TRIM9: variants seen among roughly 807,000 people sequenced by gnomAD.
The protein encoded by TRIM9 is E3 ubiquitin-protein ligase TRIM9.
In TRIM9, 26 loss-of-function variants were observed where a neutral mutation model predicts 78.3. The observed-to-expected ratio is 0.33, with a 90% CI of 0.24 to 0.46. The LOEUF is 0.46. Ranked by LOEUF, TRIM9 falls within the 20% of genes least tolerant of loss-of-function variation. The pLI is 1.00. For missense variants in TRIM9, 787 were observed against 1,036.4 expected, an observed-to-expected ratio of 0.76 and a Z score of 3.30; for synonymous variants, 398 against 416.5, an observed-to-expected ratio of 0.96 and a Z score of 0.54.
chr14:51,094,072 TG>T, intron 1 of TRIM9, 45 bp downstream of exon 1: 1 of 1,558,326 alleles, frequency 6.4e-7, no homozygotes, highest in Non-Finnish European at 8.7e-7. Context: ...CAAAACCGGA[TG>T]ATCGGAGACG....
Position 51,094,791 on chromosome 14 carries a change from T to A in TRIM9, c.149A>T (p.His50Leu), listed in dbSNP as rs751800047. The A allele has an allele frequency of 5.2e-6, 8 of 1,531,104 alleles. No individual in the cohort carries two copies. The South Asian group carries it at 9.1e-5, about 17-fold the overall frequency. The allele number at this position is 1,531,104 out of a possible 1,614,324, so 94.8% of individuals were successfully genotyped here. ...QTPESESPQS[H>L]RAAGSGVSDY... ...GGAGACCCCGGAGCCCGCGGCCCGA[T>A]GGCTCTGGGGGGATTCAGACTCTGG... Residue 50 changes from histidine to leucine, a missense_variant, in exon 1 of 13, where the codon CAT becomes CTT. This residue lies in a region of TRIM9 where 352 missense variants were observed against 472.3 expected (regional missense o/e 0.75). Coordinates refer to ENST00000684578, the MANE Select transcript of TRIM9 (RefSeq NM_001387360.1).
chr14:51,057,518 G>T (rs1333446454), intron 1 of TRIM9, among the ~76,000 whole-genome samples: 4 of 152,050 alleles, frequency 2.6e-5, no homozygotes, highest in Non-Finnish European at 4.4e-5. Flanking sequence ...TAAAATAAAA[G>T]ATACTAAATT....
At chr14:51,056,845 C>T (rs73288900) in intron 1 of TRIM9, among the ~76,000 whole-genome samples, 126 of 152,278 alleles carry the variant, frequency 8.3e-4, no homozygotes, top group African/African-American at 2.6e-3. Context: ...GGAACCTTTC[C>T]CTTATCTTCC....
At chr14:51,026,713 C>T (rs2139816228) in intron 1 of TRIM9, among the ~76,000 whole-genome samples, 1 of 152,076 alleles carries the variant, frequency 6.6e-6, no homozygotes, top group Middle Eastern at 3.4e-3. Flanking sequence ...ATATGCACAC[C>T]AAATGCTTGG....
At chr14:51,000,990 C>T in intron 5 of TRIM9, 150 bp from the exon 6 acceptor site, 2 of 911,566 alleles carry the variant, frequency 2.2e-6, no homozygotes, top group East Asian at 2.6e-5. Context: ...CACAGAGTCC[C>T]CAGGAGTCAG....
intron 3 of TRIM9, among the ~76,000 whole-genome samples, chr14:51,012,840 G>A (rs549324419): frequency 2.0e-5 from 3 of 152,168 alleles, no homozygotes; most frequent in Non-Finnish European, 2.9e-5. Flanking sequence ...TACGTTTATC[G>A]GCTGTTTGTG....
intron 3 of TRIM9, among the ~76,000 whole-genome samples, chr14:51,021,814 C>A (rs2057786074): frequency 6.6e-6 from 1 of 152,168 alleles, no homozygotes; most frequent in African/African-American, 2.4e-5. Context: ...GATGGAATAT[C>A]AGATGTCTCC....
chr14:51,083,393 T>A (rs1391393209), intron 1 of TRIM9, among the ~76,000 whole-genome samples: 1 of 151,944 alleles, frequency 6.6e-6, no homozygotes, highest in African/African-American at 2.4e-5. Context: ...TAGCTCGGAC[T>A]ACAGGCATGC....
intron 1 of TRIM9, among the ~76,000 whole-genome samples, chr14:51,081,236 CA>C (rs1448558441): frequency 1.3e-5 from 2 of 152,116 alleles, no homozygotes; most frequent in Non-Finnish European, 2.9e-5. Flanking sequence ...AGCCAATAAG[CA>C]CATGAAAAGA....
At chr14:50,982,740 A>T (rs148125458) in intron 10 of TRIM9, 1 of 519,222 alleles carries the variant, frequency 1.9e-6, no homozygotes, top group East Asian at 2.9e-5. Flanking sequence ...ACACGTCAGA[A>T]ATTTTGCTGG....
chr14:51,065,353 G>C (rs2061650884), intron 1 of TRIM9, among the ~76,000 whole-genome samples: 1 of 152,208 alleles, frequency 6.6e-6, no homozygotes, highest in Admixed American at 6.5e-5. Flanking sequence ...GCTCTTTAGA[G>C]AGAAGGCTTT....
intron 1 of TRIM9, among the ~76,000 whole-genome samples, chr14:51,054,853 G>A (rs1374580263): frequency 3.9e-5 from 5 of 129,824 alleles, no homozygotes; most frequent in Middle Eastern, 7.5e-3. Flanking sequence ...TTTTTGAGAC[G>A]GAGTCTGGCT....
At chr14:51,033,177 C>T (rs958298748) in intron 1 of TRIM9, among the ~76,000 whole-genome samples, 3 of 152,210 alleles carry the variant, frequency 2.0e-5, no homozygotes, top group African/African-American at 7.2e-5. Context: ...GCAACCTCCA[C>T]CTCCCGGGTT....
rs989804499 is a variant in TRIM9, at chr14:51,041,545, AACTGCCT to A, written c.823-16192_823-16186del. Among the ~76,000 whole-genome samples, 7 of 152,242 alleles carry A rather than the reference AACTGCCT, an allele frequency of 4.6e-5. No homozygotes were observed. In the East Asian group the frequency reaches 7.7e-4, roughly 17 times the overall value. ...TAGCAAATGACAAGGATTAACCCCCAACTGCCTTTCGCCTGATTTCCAGCAACATTAG... is the reference window on the plus strand; with the variant it reads ...TAGCAAATGACAAGGATTAACCCCCATTCGCCTGATTTCCAGCAACATTAG... On this transcript the variant is annotated intron_variant, in intron 1 of 12. Transcript: ENST00000684578.
intron 1 of TRIM9, among the ~76,000 whole-genome samples, chr14:51,028,753 T>C (rs2058470614): frequency 6.6e-6 from 1 of 152,132 alleles, no homozygotes; most frequent in Admixed American, 6.5e-5. Context: ...AGGAGAAAAA[T>C]GATGCAGCTG....
At chr14:50,996,394 T>C in intron 7 of TRIM9, 1 of 985,388 alleles carries the variant, frequency 1.0e-6, no homozygotes, top group Non-Finnish European at 1.2e-6. Flanking sequence ...AGGCGCTACA[T>C]CCTCCTGCAG....
At chr14:51,078,304 A>G (rs933128042) in intron 1 of TRIM9, among the ~76,000 whole-genome samples, 3 of 152,228 alleles carry the variant, frequency 2.0e-5, no homozygotes, top group Non-Finnish European at 4.4e-5. Context: ...ATATGAACAA[A>G]TACTAAATGA....
rs746028500 is a variant in TRIM9, at chr14:51,094,318, G to A, written c.622C>T (p.Arg208Cys). Reference protein sequence around the residue: ...HPPRGPLAKHRLVPPAQGRVS... With the variant: ...HPPRGPLAKHCLVPPAQGRVS... ...CGACCCTGGGCCGGGGGCACCAGGC[G>A]GTGCTTGGCTAGGGGCCCCCGGGGC... is the stretch of plus-strand genomic sequence containing the variant. Residue 208 changes from arginine to cysteine, a missense_variant, in exon 1 of 13, where the codon CGC becomes TGC. Coordinates refer to ENST00000684578, the MANE Select transcript of TRIM9 (RefSeq NM_001387360.1). 2.9e-5 allele frequency: 47 copies of A among 1,613,526 alleles called. No individual in the cohort carries two copies. Among genetic ancestry groups the A allele is most frequent in the Non-Finnish European group, 3.3e-5 (39 of 1,179,818 alleles).
At chr14:51,007,820 A>T (rs1264890108) in intron 5 of TRIM9, among the ~76,000 whole-genome samples, 1 of 150,626 alleles carries the variant, frequency 6.6e-6, no homozygotes, top group African/African-American at 2.4e-5. Context: ...AAAAAAAAGG[A>T]CAAAATAAGA....
Sources: gnomAD v4.1 joint callset for allele counts (sites outside exome capture counted in the v4.1 genomes callset) on GRCh38, gnomAD v4.1.1 for gene constraint, gnomAD v4.1.1 regional missense constraint, MANE v1.5 for transcripts, NCBI Gene and HGNC (gene_info 2026-07-23, HGNC 2026-07-21) for gene names.